The following ATP9B variants were observed in gnomAD, a reference collection of about 807,000 sequenced individuals.
ATP9B encodes the protein ATPase phospholipid transporting 9B.
Under a neutral mutation model 146.1 loss-of-function variants are expected in ATP9B, and 110 were observed. The ratio of observed to expected loss-of-function variants is 0.75; its 90% CI spans 0.65 to 0.88. ATP9B has a LOEUF of 0.88. ATP9B is among the 40% of genes least tolerant of loss of function. The pLI is 0.00. For synonymous variants in ATP9B, 604 were observed against 569.7 expected (o/e 1.06, Z -0.86); for missense variants, 1,499 against 1,496.4 (o/e 1.00, Z -0.03).
At chr18:79,084,810 A>G (rs1212629244) in intron 1 of ATP9B, among the ~76,000 whole-genome samples, 10 of 152,198 alleles carry the variant, frequency 6.6e-5, no homozygotes, top group African/African-American at 1.9e-4. Context: ...ATTTCATTAT[A>G]ATCATACTAC....
At chr18:79,121,223 G>T (rs1319378752) in intron 4 of ATP9B, among the ~76,000 whole-genome samples, 1 of 152,152 alleles carries the variant, frequency 6.6e-6, no homozygotes, top group Non-Finnish European at 1.5e-5. Flanking sequence ...GACTAGCTCC[G>T]CATTGTTCTT....
intron 7 of ATP9B, 51 bp downstream of exon 7, chr18:79,154,606 A>G (rs751587877): frequency 8.2e-7 from 1 of 1,221,086 alleles, no homozygotes; most frequent in South Asian, 1.7e-5. Flanking sequence ...TTGCAAAAAC[A>G]AATTTACAAA....
chr18:79,209,655 C>G, intron 10 of ATP9B: 1 of 985,374 alleles, frequency 1.0e-6, no homozygotes. Flanking sequence ...ATCTAGCATT[C>G]AGTGTTGTGT....
At chr18:79,338,103 G>A (rs2096837742) in intron 19 of ATP9B, among the ~76,000 whole-genome samples, 1 of 152,250 alleles carries the variant, frequency 6.6e-6, no homozygotes, top group Admixed American at 6.5e-5. Flanking sequence ...TTCAGGGCAT[G>A]TTAGAGTTGA....
intron 26 of ATP9B, among the ~76,000 whole-genome samples, chr18:79,365,071 AAAAAC>A (rs1400088721): frequency 6.6e-6 from 1 of 152,228 alleles, no homozygotes; most frequent in Non-Finnish European, 1.5e-5. Flanking sequence ...CTGTTAATGA[AAAAAC>A]AAGCCACAGC....
chr18:79,090,633 A>G (rs2074245740), intron 1 of ATP9B, among the ~76,000 whole-genome samples: 1 of 152,170 alleles, frequency 6.6e-6, no homozygotes, highest in Non-Finnish European at 1.5e-5. Flanking sequence ...AGAATTTTCC[A>G]TATAGAGTTG....
intron 13 of ATP9B, among the ~76,000 whole-genome samples, chr18:79,289,527 T>A (rs1333580976): frequency 3.3e-5 from 5 of 152,196 alleles, no homozygotes; most frequent in Admixed American, 3.3e-4. Context: ...TAAATTTTTT[T>A]CAAAATTTTT....
chr18:79,077,208 G>A (rs754056979), intron 1 of ATP9B, among the ~76,000 whole-genome samples: 2 of 152,124 alleles, frequency 1.3e-5, no homozygotes, highest in East Asian at 1.9e-4. Flanking sequence ...GACATTTTGG[G>A]TATTATGTTA....
At chr18:79,182,879 T>C (rs2095266499) in intron 8 of ATP9B, among the ~76,000 whole-genome samples, 1 of 152,230 alleles carries the variant, frequency 6.6e-6, no homozygotes, top group South Asian at 2.1e-4. Context: ...CCTTTAGATG[T>C]TCCTGCCCTC....
At chr18:79,244,040 T>C (rs983553070) in intron 11 of ATP9B, among the ~76,000 whole-genome samples, 1 of 152,242 alleles carries the variant, frequency 6.6e-6, no homozygotes, top group Non-Finnish European at 1.5e-5. Flanking sequence ...ATTATAAAAT[T>C]AGTGATCTTG....
At chr18:79,092,032 C>T (rs115281371) in intron 1 of ATP9B, among the ~76,000 whole-genome samples, 2 of 151,824 alleles carry the variant, frequency 1.3e-5, no homozygotes, top group African/African-American at 2.4e-5. Context: ...TTTTTGATGT[C>T]TTTGTTTTAT....
At chr18:79,098,031 C>G (rs559351612) in intron 2 of ATP9B, among the ~76,000 whole-genome samples, 402 of 152,018 alleles carry the variant, frequency 2.6e-3, no homozygotes, top group Admixed American at 4.7e-3. Flanking sequence ...GTACTTGTAC[C>G]AAAACAGAGA....
intron 2 of ATP9B, among the ~76,000 whole-genome samples, chr18:79,103,835 G>A (rs572850710): frequency 6.6e-6 from 1 of 152,276 alleles, no homozygotes; most frequent in Non-Finnish European, 1.5e-5. Flanking sequence ...GTGGGGAGTT[G>A]TGGTGAGGTA....
At chr18:79,150,959 T>C (rs1236880780) in intron 6 of ATP9B, among the ~76,000 whole-genome samples, 1 of 152,096 alleles carries the variant, frequency 6.6e-6, no homozygotes, top group Non-Finnish European at 1.5e-5. Context: ...GAGACCAAAG[T>C]AAATGTAAGA....
In ATP9B at chr18:79,185,154, TGAG is replaced by T. The variant is rs558015214; in HGVS notation, c.874-8027_874-8025del. On this transcript the variant is annotated intron_variant, in intron 8 of 29. Coordinates refer to ENST00000426216, the MANE Select transcript of ATP9B (RefSeq NM_198531.5). The stretch of plus-strand genomic sequence containing the variant: ...TGAGTAATGAAAATGTTCAGTATCT[TGAG>T]GTGGTGGTGGTCACAGGCATACACA... 9.6e-4 allele frequency among the ~76,000 whole-genome samples: 146 copies of T among 152,240 alleles called. 4 individuals carry two copies. The highest frequency in any genetic ancestry group is 1.8e-4 in the Non-Finnish European group (12 of 68,012).
At chr18:79,179,059 C>T (rs1358871663) in intron 8 of ATP9B, among the ~76,000 whole-genome samples, 2 of 152,142 alleles carry the variant, frequency 1.3e-5, no homozygotes, top group Non-Finnish European at 2.9e-5. Context: ...CAGATTTTCT[C>T]TTCATTGGAA....
Position 79,377,345 on chromosome 18 carries a change from AAGCTCTCTCCTCCC to A in ATP9B, c.3411_3424del (p.Ser1138LeufsTer99). 2 of 1,610,880 alleles carry A rather than the reference AAGCTCTCTCCTCCC, an allele frequency of 1.2e-6. No homozygotes were observed. The highest frequency in any genetic ancestry group is 2.2e-5 in the South Asian group (2 of 91,080). ...GTATGTCCTCAAGTACCTGAGGCGCAAGCTCTCTCCTCCCAGCTACTGCAAGCTGGCCTCCTAAG... is the reference window on the plus strand; with the variant it reads ...GTATGTCCTCAAGTACCTGAGGCGCAAGCTACTGCAAGCTGGCCTCCTAAG... On this transcript the variant is annotated frameshift_variant, in exon 30 of 30. Coordinates refer to ENST00000426216, the MANE Select transcript of ATP9B (RefSeq NM_198531.5). LOFTEE classifies it high-confidence loss of function.
At chr18:79,220,150 T>C (rs926994352) in intron 11 of ATP9B, among the ~76,000 whole-genome samples, 3 of 152,172 alleles carry the variant, frequency 2.0e-5, no homozygotes, top group Non-Finnish European at 4.4e-5. Context: ...GGGCTCCTTA[T>C]GGACAAGGAG....
At chr18:79,204,560 A>C (rs774085869) in intron 9 of ATP9B, among the ~76,000 whole-genome samples, 1 of 152,248 alleles carries the variant, frequency 6.6e-6, no homozygotes, top group Non-Finnish European at 1.5e-5. Context: ...GTTAATTATC[A>C]GATTTTTATA....
Sources: allele counts gnomAD v4.1 joint callset (sites outside exome capture counted in the v4.1 genomes callset), GRCh38; gene constraint gnomAD v4.1.1; transcripts MANE v1.5; gene names NCBI Gene and HGNC (gene_info 2026-07-23, HGNC 2026-07-21).